Variants in ILRUN observed in about 807,000 individuals in gnomAD.
The protein encoded by ILRUN is protein ILRUN.
Under a neutral mutation model 33.8 loss-of-function variants are expected in ILRUN, and 3 were observed. The observed-to-expected ratio is 0.09, with a 90% CI of 0.04 to 0.23. ILRUN has a LOEUF of 0.23. Ranked by LOEUF, ILRUN falls within the 10% of genes least tolerant of loss-of-function variation. The pLI is 1.00. For missense variants in ILRUN, 210 were observed against 375.1 expected (o/e 0.56, Z 3.64); for synonymous variants, 124 against 138.9 (o/e 0.89, Z 0.75).
chr6:34,660,600 A>G (rs942974227), intron 1 of ILRUN, among the ~76,000 whole-genome samples: 4 of 152,174 alleles, frequency 2.6e-5, no homozygotes, highest in African/African-American at 9.7e-5. Context: ...CGCCAATAAT[A>G]TTGCTACTAA....
intron 1 of ILRUN, among the ~76,000 whole-genome samples, chr6:34,664,773 T>C (rs992315369): frequency 2.0e-5 from 3 of 152,254 alleles, no homozygotes; most frequent in Non-Finnish European, 2.9e-5. Context: ...AAAATGTCTA[T>C]GGTTTATCGT....
At chr6:34,666,476 G>A (rs369169520) in intron 1 of ILRUN, among the ~76,000 whole-genome samples, 4 of 152,062 alleles carry the variant, frequency 2.6e-5, no homozygotes, top group Admixed American at 6.6e-5. Context: ...CAGGAGAATC[G>A]CTTGAACCCG....
At chr6:34,684,851 G>A (rs1763480726) in intron 1 of ILRUN, among the ~76,000 whole-genome samples, 1 of 152,188 alleles carries the variant, frequency 6.6e-6, no homozygotes, top group African/African-American at 2.4e-5. Context: ...AGATACGCCA[G>A]GAAAGGTAGA....
chr6:34,647,954 C>T (rs923728759), intron 2 of ILRUN, among the ~76,000 whole-genome samples: 6 of 152,244 alleles, frequency 3.9e-5, no homozygotes, highest in Non-Finnish European at 7.3e-5. Context: ...CTGCCTTGGC[C>T]TCCCAAAGTG....
chr6:34,642,805 T>C (rs1428076180), intron 3 of ILRUN, among the ~76,000 whole-genome samples: 1 of 104,826 alleles, frequency 9.5e-6, no homozygotes, highest in Non-Finnish European at 1.7e-5. Flanking sequence ...CTAGGCAACA[T>C]AGGGAGGTCC....
At chr6:34,653,872 G>A (rs1214804647) in intron 2 of ILRUN, among the ~76,000 whole-genome samples, 1 of 151,150 alleles carries the variant, frequency 6.6e-6, no homozygotes, top group Non-Finnish European at 1.5e-5. Context: ...AGGAGAGGCT[G>A]AGGCAGGAGG....
intron 1 of ILRUN, among the ~76,000 whole-genome samples, chr6:34,664,766 A>G (rs1230838539): frequency 1.3e-5 from 2 of 152,218 alleles, no homozygotes; most frequent in Non-Finnish European, 2.9e-5. Flanking sequence ...TATAAACAAA[A>G]TGTCTATGGT....
chr6:34,650,611 T>G (rs1762645878), intron 2 of ILRUN, among the ~76,000 whole-genome samples: 1 of 151,624 alleles, frequency 6.6e-6, no homozygotes, highest in Non-Finnish European at 1.5e-5. Context: ...TTTTGCAGTT[T>G]TAGTAGAGAT....
At position 34,642,336 on chromosome 6, in the gene ILRUN, T is replaced by C. The variant is rs555231982; in HGVS notation, c.511+4265A>G. 3.3e-5 allele frequency among the ~76,000 whole-genome samples: 5 copies of C among 152,286 alleles called. No homozygotes were observed. The East Asian group carries it at 7.7e-4, about 23-fold the overall frequency. ...AACACCACAGCTGAATCTCAACCGA[T>C]TCAGCTTACACAGTTCTGACTAAAA... On this transcript the variant is annotated intron_variant, in intron 3 of 4. Coordinates refer to ENST00000374023, the MANE Select transcript of ILRUN (RefSeq NM_024294.4).
intron 1 of ILRUN, among the ~76,000 whole-genome samples, chr6:34,679,146 A>AG (rs941891963): frequency 8.1e-6 from 1 of 123,312 alleles, no homozygotes; most frequent in Non-Finnish European, 1.8e-5. Flanking sequence ...AAAAATTGGG[A>AG]GGAAAAAAAA....
At chr6:34,631,158 T>C (rs1314299263) in intron 3 of ILRUN, among the ~76,000 whole-genome samples, 1 of 152,198 alleles carries the variant, frequency 6.6e-6, no homozygotes, top group African/African-American at 2.4e-5. Context: ...CTGTGTTTCT[T>C]GCTTTTTAGT....
rs1323038938 is a variant in ILRUN at position 34,590,058 on chromosome 6, G to A, written c.*507C>T. 1 of 156,950 alleles carries A rather than the reference G, an allele frequency of 6.4e-6. No individual in the cohort carries two copies. Among genetic ancestry groups the A allele is most frequent in the Non-Finnish European group, 1.4e-5 (1 of 70,608 alleles). 9.7% of individuals were successfully genotyped at this position (156,950 alleles called of 1,614,324 possible). ...TGTACTCCTGTAGCACTGATCCGCA[G>A]AGTCCTCAAACATGCCACGCCAACT... On this transcript the variant is annotated 3_prime_UTR_variant, in exon 5 of 5. Coordinates refer to ENST00000374023, the MANE Select transcript of ILRUN (RefSeq NM_024294.4).
At chr6:34,679,316 T>C (rs2127383045) in intron 1 of ILRUN, among the ~76,000 whole-genome samples, 1 of 152,220 alleles carries the variant, frequency 6.6e-6, no homozygotes, top group African/African-American at 2.4e-5. Context: ...CTTTATGAGG[T>C]GTAAGACAAT....
intron 1 of ILRUN, chr6:34,686,861 CAG>C (rs1763531535): frequency 4.3e-3 from 1 of 234 alleles, no homozygotes; most frequent in African/African-American, 0.062. Context: ...GAGGCTGAGG[CAG>C]GAGAATGGCG....
At chr6:34,609,221 G>T (rs530023168) in intron 3 of ILRUN, among the ~76,000 whole-genome samples, 2 of 152,338 alleles carry the variant, frequency 1.3e-5, no homozygotes, top group African/African-American at 4.8e-5. Context: ...GGGCACGGTG[G>T]CTCATGCCTG....
At chr6:34,621,161 T>G (rs141170280) in intron 3 of ILRUN, among the ~76,000 whole-genome samples, 97 of 152,382 alleles carry the variant, frequency 6.4e-4, no homozygotes, top group Middle Eastern at 3.4e-3. Context: ...TTAATTCTTC[T>G]TCTTCATTAA....
At chr6:34,689,146 G>A (rs961704129) in intron 1 of ILRUN, among the ~76,000 whole-genome samples, 3 of 152,070 alleles carry the variant, frequency 2.0e-5, no homozygotes, top group African/African-American at 7.2e-5. Flanking sequence ...CTGTGAATGC[G>A]CTAAACACCA....
intron 1 of ILRUN, among the ~76,000 whole-genome samples, chr6:34,679,981 T>G (rs139872761): frequency 6.6e-6 from 1 of 152,342 alleles, no homozygotes; most frequent in East Asian, 1.9e-4. Context: ...CACCCTCAAA[T>G]TGGAACTTCT....
chr6:34,654,479 C>A, intron 2 of ILRUN, 146 bp downstream of exon 2: 1 of 767,726 alleles, frequency 1.3e-6, no homozygotes, highest in Non-Finnish European at 2.0e-6. Flanking sequence ...TTGGTCATCA[C>A]ACCAGTACAA....
Sources: allele counts gnomAD v4.1 joint callset (sites outside exome capture counted in the v4.1 genomes callset), GRCh38; gene constraint gnomAD v4.1.1; transcripts MANE v1.5; gene names NCBI Gene and HGNC (gene_info 2026-07-23, HGNC 2026-07-21).